The following GPHN variants were observed in gnomAD, a reference collection of about 807,000 sequenced individuals.
GPHN encodes gephyrin.
In GPHN, 17 loss-of-function variants were observed where a neutral mutation model predicts 95.5. The observed-to-expected ratio is 0.18, with a 90% CI of 0.12 to 0.27. The LOEUF is 0.27. GPHN is among the 10% of genes least tolerant of loss of function. GPHN has a pLI of 1.00. For missense variants in GPHN, 660 were observed against 978.1 expected, an observed-to-expected ratio of 0.67 and a Z score of 4.34; for synonymous variants, 320 against 322.5, an observed-to-expected ratio of 0.99 and a Z score of 0.08.
the GPHN span, among the ~76,000 whole-genome samples, chr14:67,367,806 A>T: frequency 6.6e-6 from 1 of 152,034 alleles, no homozygotes; most frequent in Non-Finnish European, 1.5e-5. Flanking sequence ...GCTGCACTCC[A>T]ACCTGGGTGA....
the GPHN span, among the ~76,000 whole-genome samples, chr14:67,283,333 T>C: frequency 6.6e-6 from 1 of 152,222 alleles, no homozygotes; most frequent in Non-Finnish European, 1.5e-5. Flanking sequence ...TAAAGTAAAA[T>C]AGCTCTTTCA....
intron 1 of GPHN, among the ~76,000 whole-genome samples, chr14:66,580,544 A>G (rs1204405039): frequency 6.6e-6 from 1 of 151,860 alleles, no homozygotes; most frequent in African/African-American, 2.4e-5. Flanking sequence ...AAGGATCATA[A>G]GAGACAACTA....
chr14:66,988,916 T>G (rs1475081526), intron 9 of GPHN, among the ~76,000 whole-genome samples: 12 of 152,088 alleles, frequency 7.9e-5, no homozygotes, highest in Non-Finnish European at 4.4e-5. Flanking sequence ...GTTATTACCA[T>G]TCATTTAATT....
intron 1 of GPHN, among the ~76,000 whole-genome samples, chr14:66,628,032 G>A (rs1595308011): frequency 1.3e-5 from 2 of 152,102 alleles, no homozygotes; most frequent in African/African-American, 4.8e-5. Context: ...GAGTCAGTCA[G>A]CTCTTGGTAG....
At chr14:67,033,929 T>G (rs2074302205) in intron 10 of GPHN, among the ~76,000 whole-genome samples, 1 of 152,170 alleles carries the variant, frequency 6.6e-6, no homozygotes, top group Non-Finnish European at 1.5e-5. Flanking sequence ...TTCAAAGTGC[T>G]GAAGGAACAA....
chr14:67,144,250 A>AATATATATATATATAT (rs71129810), intron 18 of GPHN, among the ~76,000 whole-genome samples: 5 of 57,760 alleles, frequency 8.7e-5, no homozygotes, highest in Admixed American at 3.0e-4. Flanking sequence ...AAAAAAAAAA[A>AATATATATATATATAT]ATATATATAT....
chr14:67,195,995 A>G, the GPHN span, among the ~76,000 whole-genome samples: 2 of 152,134 alleles, frequency 1.3e-5, no homozygotes, highest in African/African-American at 4.8e-5. Context: ...CATGTTGGCC[A>G]GGCTGTTCTC....
the GPHN span, among the ~76,000 whole-genome samples, chr14:67,601,795 G>A: frequency 0.047 from 7,133 of 151,632 alleles, 305 homozygotes; most frequent in African/African-American, 0.12. Context: ...CCAGCTGTTC[G>A]GGTGGCTGAG....
At chr14:66,529,655 G>A (rs992194171) in intron 1 of GPHN, among the ~76,000 whole-genome samples, 2 of 152,076 alleles carry the variant, frequency 1.3e-5, no homozygotes, top group South Asian at 4.1e-4. Context: ...TCTGTGAGTG[G>A]ACGTCCTTTT....
At chr14:67,630,603 G>C in the GPHN span, among the ~76,000 whole-genome samples, 2 of 152,258 alleles carry the variant, frequency 1.3e-5, no homozygotes, top group South Asian at 4.2e-4. Flanking sequence ...TATTTTAGAT[G>C]GAGTCTCGCT....
chr14:66,928,300 C>G (rs927685405), intron 8 of GPHN, among the ~76,000 whole-genome samples: 3 of 152,092 alleles, frequency 2.0e-5, no homozygotes, highest in African/African-American at 7.2e-5. Context: ...TCTAGGTTTT[C>G]CAACTTATTG....
At chr14:66,666,031 C>T (rs908468940) in intron 1 of GPHN, among the ~76,000 whole-genome samples, 1 of 143,248 alleles carries the variant, frequency 7.0e-6, no homozygotes, top group African/African-American at 2.6e-5. Flanking sequence ...TGTTCTCACT[C>T]ATAGGTGGGA....
At chr14:67,457,011 G>C in the GPHN span, among the ~76,000 whole-genome samples, 1 of 152,216 alleles carries the variant, frequency 6.6e-6, no homozygotes, top group African/African-American at 2.4e-5. Context: ...ATTATCCTGA[G>C]TGAATTAATG....
At chr14:67,549,741 T>A in the GPHN span, among the ~76,000 whole-genome samples, 1 of 152,172 alleles carries the variant, frequency 6.6e-6, no homozygotes, top group Non-Finnish European at 1.5e-5. Flanking sequence ...GTCAGCTTTG[T>A]TTTGCATTCT....
intron 9 of GPHN, among the ~76,000 whole-genome samples, chr14:66,995,788 C>G (rs754026841): frequency 6.6e-6 from 1 of 152,110 alleles, no homozygotes; most frequent in South Asian, 2.1e-4. Flanking sequence ...ATACTGTGAA[C>G]GTGTATGGTA....
chr14:67,574,535 C>T, the GPHN span: 4 of 663,378 alleles, frequency 6.0e-6, no homozygotes, highest in Non-Finnish European at 7.0e-6. This position sits in a 1 kb window ranked among gnomAD's most constrained non-coding sequence, Gnocchi z 4.2. Context: ...CACAGTGACT[C>T]GCTGGCCAGC....
chr14:66,647,328 A>T (rs940575611), intron 1 of GPHN, among the ~76,000 whole-genome samples: 2 of 151,250 alleles, frequency 1.3e-5, no homozygotes, highest in South Asian at 2.1e-4. Context: ...AAATCCTTTT[A>T]AAAAAGATTT....
intron 18 of GPHN, among the ~76,000 whole-genome samples, chr14:67,152,964 A>AAT (rs2081367595): frequency 1.3e-5 from 1 of 74,622 alleles, no homozygotes; most frequent in African/African-American, 2.5e-4. Context: ...ACTCCGTGTC[A>AAT]AAAAAAAAAA....
chr14:67,547,900 G>A, the GPHN span, among the ~76,000 whole-genome samples: 3 of 152,310 alleles, frequency 2.0e-5, no homozygotes, highest in East Asian at 1.9e-4. Context: ...TGAAGGGAGA[G>A]GAGAGTTGAG....
Sources: gnomAD v4.1 joint callset for allele counts (sites outside exome capture counted in the v4.1 genomes callset) on GRCh38, gnomAD v4.1.1 for gene constraint, Gnocchi (gnomAD v3.1) non-coding constraint, MANE v1.5 for transcripts, NCBI Gene and HGNC (gene_info 2026-07-23, HGNC 2026-07-21) for gene names.